Variants in DPYD observed in about 807,000 individuals in gnomAD.
The protein encoded by DPYD is dihydropyrimidine dehydrogenase [NADP(+)].
In DPYD, 109 loss-of-function variants were observed where a neutral mutation model predicts 116.2. The observed-to-expected ratio is 0.94, with a 90% confidence interval of 0.80 to 1.10. The LOEUF is 1.10. Ranked by LOEUF, DPYD falls within the 50% of genes least tolerant of loss-of-function variation. The pLI is 0.00. For missense variants in DPYD, 1,302 were observed against 1,254.5 expected, an observed-to-expected ratio of 1.04 and a Z score of -0.57; for synonymous variants, 440 against 432.0, an observed-to-expected ratio of 1.02 and a Z score of -0.23.
At chr1:97,818,252 A>G (rs1668736464) in intron 3 of DPYD, among the ~76,000 whole-genome samples, 1 of 152,068 alleles carries the variant, frequency 6.6e-6, no homozygotes, top group Non-Finnish European at 1.5e-5. Context: ...CTATGTTTGA[A>G]CAAATGTCAC....
intron 13 of DPYD, among the ~76,000 whole-genome samples, chr1:97,508,128 A>G (rs1254505082): frequency 6.6e-6 from 1 of 152,036 alleles, no homozygotes; most frequent in African/African-American, 2.4e-5. Flanking sequence ...CAAGTGGCTA[A>G]AACAGAAATA....
intron 20 of DPYD, among the ~76,000 whole-genome samples, chr1:97,149,970 C>T (rs1461142155): frequency 2.0e-5 from 3 of 152,214 alleles, no homozygotes; most frequent in Non-Finnish European, 4.4e-5. Context: ...TCATGGTCAA[C>T]GAGCCTCCAC....
chr1:97,175,758 G>C (rs1657206888), intron 20 of DPYD, among the ~76,000 whole-genome samples: 1 of 152,098 alleles, frequency 6.6e-6, no homozygotes, highest in Non-Finnish European at 1.5e-5. Flanking sequence ...AATCATCCTT[G>C]AAGCTCATTA....
chr1:97,734,630 T>C (rs1663820803), intron 4 of DPYD, among the ~76,000 whole-genome samples: 1 of 152,194 alleles, frequency 6.6e-6, no homozygotes, highest in Non-Finnish European at 1.5e-5. Flanking sequence ...TTATCTGCCA[T>C]GACTCTTCTA....
At chr1:97,227,001 G>A (rs1395745389) in intron 19 of DPYD, among the ~76,000 whole-genome samples, 3 of 151,940 alleles carry the variant, frequency 2.0e-5, no homozygotes, top group Non-Finnish European at 2.9e-5. Context: ...AAGAAAATTC[G>A]CTCAAAAATT....
intron 15 of DPYD, among the ~76,000 whole-genome samples, chr1:97,376,158 T>C (rs1671601253): frequency 6.6e-6 from 1 of 152,186 alleles, no homozygotes. Flanking sequence ...AAGTGATTTA[T>C]CCAACATCCC....
chr1:97,447,996 G>T (rs1676183365), intron 14 of DPYD, among the ~76,000 whole-genome samples: 1 of 152,120 alleles, frequency 6.6e-6, no homozygotes, highest in Admixed American at 6.5e-5. Flanking sequence ...GGCTGAGGTA[G>T]GAGGACTGCT....
chr1:97,355,859 C>A (rs1570583181), intron 16 of DPYD, among the ~76,000 whole-genome samples: 1 of 152,078 alleles, frequency 6.6e-6, no homozygotes, highest in Non-Finnish European at 1.5e-5. Context: ...CCATAAGTTG[C>A]CTATTGTGAA....
At chr1:97,466,454 C>T (rs769308095) in intron 13 of DPYD, among the ~76,000 whole-genome samples, 8 of 150,716 alleles carry the variant, frequency 5.3e-5, no homozygotes, top group Non-Finnish European at 7.4e-5. Context: ...ACAGTAACAA[C>T]GACAACAAAT....
chr1:97,368,330 AG>A (rs1254598817), intron 16 of DPYD, among the ~76,000 whole-genome samples: 1 of 152,272 alleles, frequency 6.6e-6, no homozygotes, highest in Admixed American at 6.5e-5. Context: ...CCTGTATATA[AG>A]GGAGATGAAT....
intron 20 of DPYD, among the ~76,000 whole-genome samples, chr1:97,162,645 G>A (rs968434199): frequency 6.6e-6 from 1 of 151,862 alleles, no homozygotes; most frequent in Non-Finnish European, 1.5e-5. Flanking sequence ...AAGTTCATAT[G>A]GAACCAAAAA....
At chr1:97,816,166 G>T (rs1379749239) in intron 3 of DPYD, among the ~76,000 whole-genome samples, 2 of 150,528 alleles carry the variant, frequency 1.3e-5, no homozygotes, top group Non-Finnish European at 2.9e-5. Context: ...CATACTCCTT[G>T]TGACTCAAGT....
chr1:97,805,079 C>T (rs756908475), intron 3 of DPYD, among the ~76,000 whole-genome samples: 4 of 151,872 alleles, frequency 2.6e-5, no homozygotes, highest in Non-Finnish European at 5.9e-5. Context: ...CTAAAAATTA[C>T]AGTCAGTCCC....
intron 13 of DPYD, among the ~76,000 whole-genome samples, chr1:97,466,940 T>C (rs1017389357): frequency 4.7e-5 from 7 of 150,178 alleles, no homozygotes; most frequent in Non-Finnish European, 8.9e-5. Context: ...GGGCCTGCAG[T>C]GGGGGGTGGA....
chr1:97,465,961 C>T (rs1677299555), intron 13 of DPYD, among the ~76,000 whole-genome samples: 1 of 152,104 alleles, frequency 6.6e-6, no homozygotes, highest in Non-Finnish European at 1.5e-5. Context: ...ATTAGCTGAG[C>T]ATGGTGATAC....
chr1:97,735,105 GTCCCA>G (rs2101056764), intron 4 of DPYD, among the ~76,000 whole-genome samples: 1 of 152,280 alleles, frequency 6.6e-6, no homozygotes, highest in South Asian at 2.1e-4. Flanking sequence ...GTTTAAGGTG[GTCCCA>G]GAGGACTGGC....
chr1:97,114,759 A>C lies in DPYD; in HGVS notation c.2623-16127T>G, dbSNP rs538407302. Among the ~76,000 whole-genome samples the C allele has an allele frequency of 2.1e-3, 326 of 152,260 alleles. 2 individuals carry two copies. Among genetic ancestry groups the C allele is most frequent in the African/African-American group, 7.5e-3 (310 of 41,562 alleles). On this transcript the variant is annotated intron_variant, in intron 20 of 22. Coordinates refer to ENST00000370192, the MANE Select transcript of DPYD (RefSeq NM_000110.4). Reference sequence around the variant, plus strand: ...GATTTTCCCTGAATGATGAAAAAAAACCCATCATATTCAATAAAATCACAA... The same window carrying C: ...GATTTTCCCTGAATGATGAAAAAAACCCCATCATATTCAATAAAATCACAA...
chr1:97,530,248 C>T (rs1292798429), intron 12 of DPYD, among the ~76,000 whole-genome samples: 2 of 129,730 alleles, frequency 1.5e-5, no homozygotes, highest in Non-Finnish European at 3.1e-5. Flanking sequence ...GACGGAGTCT[C>T]GCTCTGTCAC....
intron 21 of DPYD, among the ~76,000 whole-genome samples, chr1:97,093,755 G>A (rs1352311161): frequency 6.6e-6 from 1 of 151,976 alleles, no homozygotes; most frequent in Non-Finnish European, 1.5e-5. Flanking sequence ...TTTCAATGAG[G>A]GCAATAGTTT....
Sources: allele counts gnomAD v4.1 joint callset (sites outside exome capture counted in the v4.1 genomes callset), GRCh38; gene constraint gnomAD v4.1.1; transcripts MANE v1.5; gene names NCBI Gene and HGNC (gene_info 2026-07-23, HGNC 2026-07-21).